Variants in NRXN1 observed in about 807,000 individuals in gnomAD.
NRXN1 encodes neurexin-1.
Under a neutral mutation model 150.9 loss-of-function variants are expected in NRXN1, and 39 were observed. The ratio of observed to expected loss-of-function variants is 0.26; its 90% CI spans 0.20 to 0.34. The LOEUF is 0.34. Among genes scored for constraint, NRXN1 ranks in the 10% least tolerant of loss-of-function variants. The pLI is 1.00. For missense variants in NRXN1, 1,815 were observed against 1,949.9 expected (o/e 0.93, Z 1.30); for synonymous variants, 924 against 757.0 (o/e 1.22, Z -3.62).
intron 2 of NRXN1, among the ~76,000 whole-genome samples, chr2:50,946,026 C>T (rs1690324772): frequency 1.3e-5 from 2 of 151,340 alleles, no homozygotes; most frequent in South Asian, 4.2e-4. Flanking sequence ...TCTGGAATGA[C>T]CATAGAGGAT....
chr2:50,976,041 A>C (rs1425905917), intron 2 of NRXN1, among the ~76,000 whole-genome samples: 2 of 152,024 alleles, frequency 1.3e-5, no homozygotes, highest in African/African-American at 4.8e-5. Flanking sequence ...AGACATCTGC[A>C]TATGTCTGTC....
intron 8 of NRXN1, among the ~76,000 whole-genome samples, chr2:50,559,829 T>C (rs186605668): frequency 9.9e-4 from 150 of 152,216 alleles, no homozygotes; most frequent in Middle Eastern, 6.8e-3. Context: ...TTCAAAAAAT[T>C]AGAAATTTGA....
At chr2:50,751,625 T>G (rs907264662) in intron 5 of NRXN1, among the ~76,000 whole-genome samples, 1 of 151,994 alleles carries the variant, frequency 6.6e-6, no homozygotes, top group Non-Finnish European at 1.5e-5. Flanking sequence ...TCTGTGCTCC[T>G]GGGGCGTGCA....
chr2:50,432,408 G>C (rs1385792972), intron 17 of NRXN1: 2 of 152,150 alleles, frequency 1.3e-5, no homozygotes, highest in Non-Finnish European at 2.9e-5. Context: ...TCTCTGCAAG[G>C]ATCTTGTAAA....
At chr2:50,258,405 A>G (rs1034258028) in intron 17 of NRXN1, among the ~76,000 whole-genome samples, 1 of 152,024 alleles carries the variant, frequency 6.6e-6, no homozygotes, top group Non-Finnish European at 1.5e-5. Context: ...TCATTCATCC[A>G]TAAGAAGCAA....
intron 15 of NRXN1, among the ~76,000 whole-genome samples, chr2:50,495,380 G>GT (rs1262524763): frequency 3.6e-3 from 64 of 17,774 alleles, no homozygotes; most frequent in Middle Eastern, 0.091. Context: ...GTGTGTGTGT[G>GT]GTGTGTGTGT....
At position 51,028,468 on chromosome 2, in the gene NRXN1, A is replaced by C. The variant is rs199620261; in HGVS notation, c.-195T>G. 1 of 438,452 alleles carries C rather than the reference A, an allele frequency of 2.3e-6. No individual in the cohort carries two copies. Among genetic ancestry groups the C allele is most frequent in the African/African-American group, 2.0e-5 (1 of 49,088 alleles). The allele number at this position is 438,452 out of a possible 1,614,324, so 27.2% of individuals were successfully genotyped here. A position where few individuals can be genotyped will look rare whatever the true frequency, so the allele number is the denominator to read the frequency against. Reference sequence around the variant, plus strand: ...CAATAACCCCGCCCTCTCTCCCTGTAGTCCTCTTCCAACTGGAAAACGTTG... The same window carrying C: ...CAATAACCCCGCCCTCTCTCCCTGTCGTCCTCTTCCAACTGGAAAACGTTG... On this transcript the variant is annotated 5_prime_UTR_variant, in exon 2 of 23. Transcript: ENST00000401669.
intron 8 of NRXN1, among the ~76,000 whole-genome samples, chr2:50,581,246 ATGTT>A (rs897353313): frequency 3.3e-5 from 5 of 152,194 alleles, no homozygotes; most frequent in African/African-American, 9.7e-5. Flanking sequence ...AAAAATAAAA[ATGTT>A]TGGCTAGTGA....
intron 5 of NRXN1, among the ~76,000 whole-genome samples, chr2:50,798,578 G>T (rs1482731468): frequency 6.6e-6 from 1 of 152,094 alleles, no homozygotes; most frequent in Non-Finnish European, 1.5e-5. Context: ...GAAAGCTTTA[G>T]GAGGCAAATT....
intron 17 of NRXN1, among the ~76,000 whole-genome samples, chr2:50,273,926 T>C (rs1218547817): frequency 2.0e-5 from 3 of 152,150 alleles, no homozygotes; most frequent in South Asian, 4.2e-4. Context: ...ATACTGTTGG[T>C]GGGAGTGTAA....
chr2:50,742,268 T>TATATATATATATAC (rs535775894), intron 5 of NRXN1, among the ~76,000 whole-genome samples: 3 of 151,778 alleles, frequency 2.0e-5, no homozygotes, highest in South Asian at 2.1e-4. Context: ...TTTACATATA[T>TATATATATATATAC]ATATATATAC....
At chr2:50,198,403 A>G (rs2061914210) in intron 18 of NRXN1, among the ~76,000 whole-genome samples, 1 of 151,906 alleles carries the variant, frequency 6.6e-6, no homozygotes, top group Non-Finnish European at 1.5e-5. Context: ...CTAATATTTC[A>G]CTCTAGCACC....
intron 2 of NRXN1, among the ~76,000 whole-genome samples, chr2:51,023,360 C>A (rs1669924451): frequency 6.6e-6 from 1 of 152,164 alleles, no homozygotes; most frequent in African/African-American, 2.4e-5. Flanking sequence ...CTGCCTGACC[C>A]CACTCCTCTC....
intron 5 of NRXN1, among the ~76,000 whole-genome samples, chr2:50,735,811 T>C (rs923369900): frequency 1.3e-5 from 2 of 152,176 alleles, no homozygotes; most frequent in Admixed American, 1.3e-4. Flanking sequence ...CTGTTATTGA[T>C]AGCTCCCTCT....
At position 50,012,890 on chromosome 2, in the gene NRXN1, A is replaced by G. The variant is rs6743892; in HGVS notation, c.4128+40381T>C. Among the ~76,000 whole-genome samples, 909 of 152,220 alleles carry G rather than the reference A, an allele frequency of 6.0e-3. 8 individuals carry two copies. Among genetic ancestry groups the G allele is most frequent in the African/African-American group, 0.021 (877 of 41,554 alleles). On this transcript the variant is annotated intron_variant, in intron 21 of 22. Transcript: ENST00000401669. ...GGAATGGAATGGATTGCACTCCTGA[A>G]GTATTACTTCTGTGGGACCTTCAAT...
At chr2:50,680,976 T>C (rs771113085) in intron 5 of NRXN1, among the ~76,000 whole-genome samples, 8 of 152,084 alleles carry the variant, frequency 5.3e-5, no homozygotes, top group Admixed American at 2.6e-4. Context: ...AATAGTTAAC[T>C]TAGTAAAAAA....
At chr2:50,738,881 G>T (rs994745530) in intron 5 of NRXN1, among the ~76,000 whole-genome samples, 1 of 152,118 alleles carries the variant, frequency 6.6e-6, no homozygotes. Flanking sequence ...TTAGGCAACT[G>T]GATGCATAGC....
chr2:50,361,375 A>T (rs1230307152), intron 17 of NRXN1, among the ~76,000 whole-genome samples: 1 of 152,136 alleles, frequency 6.6e-6, no homozygotes, highest in Admixed American at 6.5e-5. Flanking sequence ...GCCAGACTAT[A>T]TATAAGAAAA....
chr2:50,029,904 T>C (rs1688937265), intron 21 of NRXN1, among the ~76,000 whole-genome samples: 1 of 152,142 alleles, frequency 6.6e-6, no homozygotes, highest in African/African-American at 2.4e-5. Flanking sequence ...AATATTATTG[T>C]GACATTTAAA....
Sources: allele counts gnomAD v4.1 joint callset (sites outside exome capture counted in the v4.1 genomes callset), GRCh38; gene constraint gnomAD v4.1.1; transcripts MANE v1.5; gene names NCBI Gene and HGNC (gene_info 2026-07-23, HGNC 2026-07-21).